Variants in ZNF564 observed in about 807,000 individuals in gnomAD.
The protein encoded by ZNF564 is zinc finger protein 564.
A neutral mutation model predicts 10.5 loss-of-function variants in ZNF564; 5 were observed. The ratio of observed to expected loss-of-function variants is 0.48; its 90% CI spans 0.25 to 1.00. ZNF564 has a LOEUF of 1.00. Among genes scored for constraint, ZNF564 ranks in the 50% least tolerant of loss-of-function variants. The probability of loss-of-function intolerance (pLI) is 0.16; values close to 1 mark genes in which losing one functional copy is unlikely to be tolerated. For synonymous variants in ZNF564, 242 were observed against 218.1 expected (o/e 1.11, Z -0.97); for missense variants, 603 against 669.7 (o/e 0.90, Z 1.10).
chr19:12,530,941 AT>A (rs898208047), intron 1 of ZNF564, among the ~76,000 whole-genome samples: 24 of 152,080 alleles, frequency 1.6e-4, no homozygotes, highest in Non-Finnish European at 3.1e-4. Context: ...TAATTTTTAA[AT>A]TTTTTGTAGA....
chr19:12,529,036 G>T (rs2021748847), intron 1 of ZNF564, among the ~76,000 whole-genome samples: 1 of 152,198 alleles, frequency 6.6e-6, no homozygotes, highest in South Asian at 2.1e-4. Flanking sequence ...CTGCACTTCA[G>T]CCTGGCTGAC....
Position 12,531,119 on chromosome 19 carries a change from T to C in ZNF564, c.4-2423A>G, listed in dbSNP as rs139343227. 2.6e-5 allele frequency among the ~76,000 whole-genome samples: 4 copies of C among 152,308 alleles called. No individual in the cohort carries two copies. In the East Asian group the frequency reaches 5.8e-4, roughly 22 times the overall value. On this transcript the variant is annotated intron_variant, in intron 1 of 3. Transcript: ENST00000339282. ...CTTACAAAATATTTTTTAAATTCTA[T>C]AAATCCCCTAAAAACTGTTGAAGAG...
chr19:12,546,237 G>A (rs2022149427), intron 1 of ZNF564, among the ~76,000 whole-genome samples: 1 of 152,240 alleles, frequency 6.6e-6, no homozygotes, highest in South Asian at 2.1e-4. Context: ...ATTACACTCT[G>A]ACTAAACCAA....
intron 1 of ZNF564, among the ~76,000 whole-genome samples, chr19:12,529,263 T>C (rs1361947670): frequency 2.6e-5 from 4 of 152,132 alleles, no homozygotes; most frequent in African/African-American, 4.8e-5. Context: ...TGGTCTCTAA[T>C]GGCAGGATCC....
chr19:12,535,765 C>T (rs760912260), intron 1 of ZNF564, among the ~76,000 whole-genome samples: 1 of 151,926 alleles, frequency 6.6e-6, no homozygotes, highest in Non-Finnish European at 1.5e-5. Flanking sequence ...CCTGTAATCC[C>T]AGCACTTTGG....
chr19:12,534,740 G>A (rs2021875226), intron 1 of ZNF564, among the ~76,000 whole-genome samples: 3 of 152,126 alleles, frequency 2.0e-5, no homozygotes, highest in South Asian at 4.1e-4. Context: ...TCTGAGCCCA[G>A]GAGGTGGAGG....
chr19:12,540,711 G>A (rs990642782), intron 1 of ZNF564, among the ~76,000 whole-genome samples: 9 of 152,046 alleles, frequency 5.9e-5, no homozygotes, highest in South Asian at 2.1e-4. Flanking sequence ...AAAATTAGCC[G>A]GGCGTGGTGG....
chr19:12,532,253 T>G (rs555467268), intron 1 of ZNF564, among the ~76,000 whole-genome samples: 143 of 151,506 alleles, frequency 9.4e-4, no homozygotes, highest in African/African-American at 3.2e-3. Context: ...AAAATTTTTT[T>G]GGCCGGGCGC....
intron 1 of ZNF564, among the ~76,000 whole-genome samples, chr19:12,539,435 G>A (rs1331597369): frequency 1.3e-5 from 2 of 150,914 alleles, no homozygotes; most frequent in South Asian, 2.1e-4. Context: ...CGAGGCGGGT[G>A]GATCACAAGG....
intron 2 of ZNF564, 23 bp downstream of exon 2, chr19:12,528,547 A>T (rs1568261730): frequency 2.5e-6 from 4 of 1,609,284 alleles, no homozygotes; most frequent in East Asian, 2.2e-5. Flanking sequence ...ACTGACTAAA[A>T]GAAGGAATGA....
At position 12,551,314 on chromosome 19, in the gene ZNF564, G is replaced by C. The variant is rs748995778; in HGVS notation, c.3+16C>G. 5.4e-5 allele frequency: 86 copies of C among 1,606,374 alleles called. No homozygotes were observed. The highest frequency in any genetic ancestry group is 7.1e-5 in the Non-Finnish European group (83 of 1,176,660). On this transcript the variant is annotated intron_variant, in intron 1 of 3. Transcript: ENST00000339282. ...CCCCTCCCCCAGTCTCCAGGCGCCC[G>C]GCCCCGCACACGCACCATTTCCTGG... is the stretch of plus-strand genomic sequence containing the variant.
intron 1 of ZNF564, among the ~76,000 whole-genome samples, chr19:12,535,635 G>C (rs933433914): frequency 2.6e-5 from 4 of 152,134 alleles, no homozygotes; most frequent in African/African-American, 9.7e-5. Context: ...ATATACAATA[G>C]TCAACTCTAA....
intron 1 of ZNF564, among the ~76,000 whole-genome samples, chr19:12,544,254 G>T (rs1387681463): frequency 6.6e-6 from 1 of 152,046 alleles, no homozygotes; most frequent in Non-Finnish European, 1.5e-5. Flanking sequence ...TCTATGTAGG[G>T]TATGTGAACC....
rs772955261 is a variant in ZNF564, at chr19:12,527,176, C to T, written c.932G>A (p.Cys311Tyr). 6.2e-7 allele frequency: 1 copy of T among 1,614,038 alleles called. No individual in the cohort carries two copies. Among genetic ancestry groups the T allele is most frequent in the Non-Finnish European group, 8.5e-7 (1 of 1,180,022 alleles). Residue 311 changes from cysteine to tyrosine, a missense_variant, in exon 4 of 4, where the codon TGT becomes TAT. Transcript: ENST00000339282. ...IRHTGDGPYK[C>Y]KVCGRAFIFP... is the part of the protein sequence containing the mutation. Reference sequence around the variant, plus strand: ...AATAAAGGCTCTCCCACATACTTTACATTTATAAGGTCCATCCCCAGTGTG... The same window carrying T: ...AATAAAGGCTCTCCCACATACTTTATATTTATAAGGTCCATCCCCAGTGTG...
chr19:12,550,806 G>A (rs1366029650), intron 1 of ZNF564, among the ~76,000 whole-genome samples: 1 of 152,260 alleles, frequency 6.6e-6, no homozygotes, highest in Non-Finnish European at 1.5e-5. Flanking sequence ...CTTTGGGAAT[G>A]CGGGGAAGGA....
intron 1 of ZNF564, among the ~76,000 whole-genome samples, chr19:12,537,896 G>C (rs1402879343): frequency 2.0e-5 from 3 of 152,044 alleles, no homozygotes; most frequent in African/African-American, 7.2e-5. Flanking sequence ...TGCGTGTGTG[G>C]GGTGGGGGAA....
chr19:12,527,954 CTTTATA>C, intron 3 of ZNF564, 38 bp from the exon 4 acceptor site: 1 of 1,538,116 alleles, frequency 6.5e-7, no homozygotes, highest in South Asian at 1.3e-5. Context: ...TGGTTTGTGA[CTTTATA>C]TTTATTAATA....
intron 1 of ZNF564, 46 bp downstream of exon 1, chr19:12,551,284 A>G: frequency 6.3e-7 from 1 of 1,593,232 alleles, no homozygotes; most frequent in South Asian, 1.1e-5. Context: ...GCCGGTTCCC[A>G]CAAGCCCCTC....
chr19:12,551,159 C>T (rs2022250915), intron 1 of ZNF564, among the ~76,000 whole-genome samples, 171 bp downstream of exon 1: 1 of 152,264 alleles, frequency 6.6e-6, no homozygotes, highest in African/African-American at 2.4e-5. Context: ...GTACTGGCTA[C>T]GGCCCAACCC....
Sources: gnomAD v4.1 joint callset for allele counts (sites outside exome capture counted in the v4.1 genomes callset) on GRCh38, gnomAD v4.1.1 for gene constraint, MANE v1.5 for transcripts, NCBI Gene and HGNC (gene_info 2026-07-23, HGNC 2026-07-21) for gene names.